FTO: variants seen among roughly 807,000 people sequenced by gnomAD.
The protein encoded by FTO is alpha-ketoglutarate-dependent dioxygenase FTO.
A neutral mutation model predicts 63.9 loss-of-function variants in FTO; 47 were observed. The ratio of observed to expected loss-of-function variants is 0.74; its 90% CI spans 0.58 to 0.94. The LOEUF is 0.94. Among genes scored for constraint, FTO ranks in the 40% least tolerant of loss-of-function variants. The pLI is 0.00. For missense variants in FTO, 562 were observed against 618.1 expected (o/e 0.91, Z 0.96); for synonymous variants, 207 against 224.4 (o/e 0.92, Z 0.69).
At chr16:54,020,977 AG>A (rs1488006094) in intron 8 of FTO, among the ~76,000 whole-genome samples, 4 of 152,160 alleles carry the variant, frequency 2.6e-5, no homozygotes, top group African/African-American at 9.7e-5. Flanking sequence ...TCTCAAAAAA[AG>A]AAAAAAAAAG....
intron 2 of FTO, among the ~76,000 whole-genome samples, chr16:53,815,130 A>G (rs1374643191): frequency 1.1e-4 from 16 of 152,214 alleles, no homozygotes; most frequent in Middle Eastern, 6.8e-3. Flanking sequence ...ACGAGAACTT[A>G]TAGTCTGTAA....
At chr16:53,984,321 CTTTTT>C (rs5816913) in intron 8 of FTO, among the ~76,000 whole-genome samples, 3 of 67,316 alleles carry the variant, frequency 4.5e-5, no homozygotes, top group African/African-American at 1.7e-4. Context: ...TGGAATGGGT[CTTTTT>C]TTTTTTTTTT....
intron 8 of FTO, among the ~76,000 whole-genome samples, chr16:54,104,504 G>A (rs1311876765): frequency 1.3e-5 from 2 of 151,922 alleles, no homozygotes; most frequent in African/African-American, 2.4e-5. Context: ...GTAGAGACAG[G>A]GTTTCACCAC....
chr16:54,011,861 T>A (rs1462190600), intron 8 of FTO, among the ~76,000 whole-genome samples: 1 of 152,160 alleles, frequency 6.6e-6, no homozygotes, highest in African/African-American at 2.4e-5. Context: ...ATAATAAATG[T>A]TGTGTGTGTT....
intron 8 of FTO, chr16:54,013,526 A>G (rs1298324351): frequency 2.0e-5 from 3 of 152,370 alleles, no homozygotes; most frequent in Admixed American, 6.5e-5. Flanking sequence ...GTAAAATGCT[A>G]TCAAACAGCA....
chr16:54,111,227 T>C (rs1488854130), intron 8 of FTO, among the ~76,000 whole-genome samples: 1 of 152,196 alleles, frequency 6.6e-6, no homozygotes, highest in Non-Finnish European at 1.5e-5. Context: ...TATAAATCGG[T>C]CTCTCCTTGG....
intron 1 of FTO, among the ~76,000 whole-genome samples, chr16:53,739,667 G>A (rs1446816718): frequency 6.6e-6 from 1 of 152,082 alleles, no homozygotes; most frequent in Non-Finnish European, 1.5e-5. Flanking sequence ...AAACACTAAA[G>A]TATGTTTGAT....
upstream of FTO, chr16:53,704,125 C>G: frequency 1.3e-6 from 2 of 1,498,128 alleles, no homozygotes; most frequent in Non-Finnish European, 1.8e-6. Context: ...ATGCAGGAGG[C>G]GGGGTCCAGG....
intron 8 of FTO, among the ~76,000 whole-genome samples, chr16:54,056,681 C>T (rs529862344): frequency 4.6e-5 from 7 of 152,226 alleles, no homozygotes; most frequent in South Asian, 2.1e-4. Flanking sequence ...TTTTGGAAGG[C>T]GATTTTGGAA....
At chr16:53,867,742 T>C (rs1197043796) in intron 4 of FTO, among the ~76,000 whole-genome samples, 1 of 152,190 alleles carries the variant, frequency 6.6e-6, no homozygotes, top group Non-Finnish European at 1.5e-5. Context: ...AGTTCAACTA[T>C]GTCCTTAATG....
chr16:53,800,686 T>C (rs1421679643), intron 1 of FTO, among the ~76,000 whole-genome samples: 1 of 152,186 alleles, frequency 6.6e-6, no homozygotes, highest in Non-Finnish European at 1.5e-5. Flanking sequence ...AAGATTTTTA[T>C]GTTCTTGATG....
intron 1 of FTO, among the ~76,000 whole-genome samples, chr16:53,775,142 G>A (rs920565021): frequency 1.3e-5 from 2 of 152,052 alleles, no homozygotes; most frequent in African/African-American, 4.8e-5. Context: ...AGATTGGAAG[G>A]GTGCTGAGTG....
chr16:53,822,753 A>T (rs928949455), intron 2 of FTO, among the ~76,000 whole-genome samples: 1 of 152,070 alleles, frequency 6.6e-6, no homozygotes, highest in African/African-American at 2.4e-5. Flanking sequence ...CTTTCATTTT[A>T]TATTAAAAAT....
intron 1 of FTO, among the ~76,000 whole-genome samples, chr16:53,766,357 C>G (rs1223358714): frequency 6.6e-6 from 1 of 152,128 alleles, no homozygotes; most frequent in Non-Finnish European, 1.5e-5. Context: ...TCCTGAGTAG[C>G]TGTGACTACA....
chr16:54,077,037 A>G (rs2086012614), intron 8 of FTO, among the ~76,000 whole-genome samples: 1 of 152,210 alleles, frequency 6.6e-6, no homozygotes, highest in Non-Finnish European at 1.5e-5. Context: ...TGAGGTAAGG[A>G]GCGTCATTAT....
At chr16:53,848,183 T>C (rs1031849277) in intron 4 of FTO, among the ~76,000 whole-genome samples, 8 of 152,204 alleles carry the variant, frequency 5.3e-5, no homozygotes, top group African/African-American at 1.7e-4. Flanking sequence ...GCCTTTTCTC[T>C]TTACTTTTAA....
intron 8 of FTO, among the ~76,000 whole-genome samples, chr16:53,983,326 A>T (rs1170454911): frequency 5.3e-5 from 8 of 152,100 alleles, no homozygotes; most frequent in African/African-American, 1.9e-4. Flanking sequence ...TTGCCTTTAA[A>T]ACATGCAACA....
At chr16:53,751,080 C>T (rs1227331672) in intron 1 of FTO, among the ~76,000 whole-genome samples, 1 of 152,012 alleles carries the variant, frequency 6.6e-6, no homozygotes, top group East Asian at 1.9e-4. Flanking sequence ...TTCCCTGGGC[C>T]ACAATGGAAG....
chr16:53,970,040 C>T (rs1168206121), intron 8 of FTO, among the ~76,000 whole-genome samples: 2 of 152,058 alleles, frequency 1.3e-5, no homozygotes, highest in Admixed American at 6.6e-5. Context: ...ACGGAGGAGG[C>T]GAGGTGTGGC....
Sources: gnomAD v4.1 joint callset for allele counts (sites outside exome capture counted in the v4.1 genomes callset) on GRCh38, gnomAD v4.1.1 for gene constraint, MANE v1.5 for transcripts, NCBI Gene and HGNC (gene_info 2026-07-23, HGNC 2026-07-21) for gene names.